The following IFT172 variants were observed in gnomAD, a reference collection of about 807,000 sequenced individuals.
IFT172 encodes intraflagellar transport protein 172 homolog.
Under a neutral mutation model 248.9 loss-of-function variants are expected in IFT172, and 164 were observed. The observed-to-expected ratio is 0.66, with a 90% CI of 0.58 to 0.75. IFT172 has a LOEUF of 0.75. IFT172 is among the 30% of genes least tolerant of loss of function. IFT172 has a pLI of 0.00. For missense variants in IFT172, 1,950 were observed against 2,192.4 expected (o/e 0.89, Z 2.21); for synonymous variants, 729 against 791.6 (o/e 0.92, Z 1.33).
intron 47 of IFT172, among the ~76,000 whole-genome samples, 153 bp from the exon 48 acceptor site, chr2:27,444,674 G>A (rs1293491354): frequency 6.6e-6 from 1 of 151,928 alleles, no homozygotes; most frequent in Non-Finnish European, 1.5e-5. Context: ...TTGAGACAAA[G>A]TCTTGCTTTG....
Position 27,447,647 on chromosome 2 carries a change from G to A in IFT172, c.4540-13C>T, listed in dbSNP as rs1665265846. 2 of 1,613,988 alleles carry A rather than the reference G, an allele frequency of 1.2e-6. No individual in the cohort carries two copies. The highest frequency in any genetic ancestry group is 1.7e-6 in the Non-Finnish European group (2 of 1,180,044). ...CCAGGTTTTCACACTAGAGGAGGGA[G>A]ACAGCACAGCCTGGCTCAGGGGTCA... On this transcript the variant is annotated splice_polypyrimidine_tract_variant and intron_variant, in intron 41 of 47. Coordinates refer to ENST00000260570, the MANE Select transcript of IFT172 (RefSeq NM_015662.3).
intron 1 of IFT172, among the ~76,000 whole-genome samples, chr2:27,488,977 G>A (rs983392893): frequency 3.3e-5 from 5 of 152,246 alleles, no homozygotes; most frequent in Admixed American, 1.3e-4. Flanking sequence ...GGGAGGCGGA[G>A]GTTGCAGTGA....
intron 29 of IFT172, 105 bp downstream of exon 29, chr2:27,457,534 C>T: frequency 1.0e-6 from 1 of 962,758 alleles, no homozygotes; most frequent in East Asian, 2.4e-5. Flanking sequence ...ATAATTGCAC[C>T]ACTGCACTCC....
Position 27,461,537 on chromosome 2 carries a change from A to G in IFT172, c.2194-20T>C, listed in dbSNP as rs767096645. On this transcript the variant is annotated intron_variant, in intron 21 of 47. Coordinates refer to ENST00000260570, the MANE Select transcript of IFT172 (RefSeq NM_015662.3). ...GTGCCCCTGGACATGCACAGAGGAC[A>G]ACTAGGAGTCACATCCCCCTTCCTA... 1 of 1,610,860 alleles carries G rather than the reference A, an allele frequency of 6.2e-7. No individual in the cohort carries two copies.
chr2:27,480,859 A>C (rs1396538370), intron 8 of IFT172, among the ~76,000 whole-genome samples, 187 bp downstream of exon 8: 1 of 152,172 alleles, frequency 6.6e-6, no homozygotes, highest in African/African-American at 2.4e-5. Flanking sequence ...ACAAAACAAG[A>C]GCCCAGGACA....
Position 27,483,478 on chromosome 2 carries a change from C to T in IFT172, c.482+102G>A, listed in dbSNP as rs1203363673. 7.0e-6 allele frequency: 10 copies of T among 1,429,552 alleles called. No individual in the cohort carries two copies. The East Asian group carries it at 2.0e-4, about 29-fold the overall frequency. The allele number at this position is 1,429,552 out of a possible 1,614,324, so 88.6% of individuals were successfully genotyped here. On this transcript the variant is annotated intron_variant, in intron 6 of 47. Coordinates refer to ENST00000260570, the MANE Select transcript of IFT172 (RefSeq NM_015662.3). ...ACAACCTTGTCTGTGCTTCCTGCTA[C>T]CAGTTCTCCTGCCTTTCATACTATG...
chr2:27,484,007 C>T, intron 4 of IFT172, 70 bp from the exon 5 acceptor site: 3 of 1,369,616 alleles, frequency 2.2e-6, no homozygotes, highest in Non-Finnish European at 3.1e-6. Flanking sequence ...ACAACTTCAA[C>T]ACCCCACCAC....
At chr2:27,473,545 C>T (rs982362779) in intron 14 of IFT172, among the ~76,000 whole-genome samples, 3 of 151,284 alleles carry the variant, frequency 2.0e-5, no homozygotes, top group East Asian at 2.0e-4. Flanking sequence ...CTCCTGACCT[C>T]GTGATCCGCC....
chr2:27,447,978 A>C lies in IFT172; in HGVS notation c.4429-56T>G, dbSNP rs1047622302. On this transcript the variant is annotated intron_variant, in intron 40 of 47. Transcript: ENST00000260570. Reference sequence around the variant, plus strand: ...AAGGGCATAGCTAGAAGAGAAAGTCACTGGAAGTGGGGCCAAAGGGAGGAG... The same window carrying C: ...AAGGGCATAGCTAGAAGAGAAAGTCCCTGGAAGTGGGGCCAAAGGGAGGAG... The C allele has an allele frequency of 2.6e-5, 29 of 1,113,896 alleles. No homozygotes were observed. In the East Asian group the frequency reaches 6.6e-4, roughly 25 times the overall value. 69.0% of individuals were successfully genotyped at this position (1,113,896 alleles called of 1,614,324 possible).
At chr2:27,484,007 C>A in intron 4 of IFT172, 70 bp from the exon 5 acceptor site, 2 of 1,369,616 alleles carry the variant, frequency 1.5e-6, no homozygotes, top group Non-Finnish European at 2.1e-6. Flanking sequence ...ACAACTTCAA[C>A]ACCCCACCAC....
chr2:27,453,970 C>G lies in IFT172; in HGVS notation c.3711+12G>C. The G allele has an allele frequency of 6.2e-7, 1 of 1,605,920 alleles. No individual in the cohort carries two copies. The highest frequency in any genetic ancestry group is 1.3e-5 in the African/African-American group (1 of 74,294). ...TCCCCCTCCCCTCATGGCCCTGCATCCAGTGCCCCACCTTATAATAATTGA... is the reference window on the plus strand; with the variant it reads ...TCCCCCTCCCCTCATGGCCCTGCATGCAGTGCCCCACCTTATAATAATTGA... On this transcript the variant is annotated intron_variant, in intron 33 of 47. Transcript: ENST00000260570.
chr2:27,459,966 A>G, intron 23 of IFT172, 137 bp from the exon 24 acceptor site: 1 of 1,115,034 alleles, frequency 9.0e-7, no homozygotes, highest in Non-Finnish European at 1.3e-6. Flanking sequence ...TCCTGAACAC[A>G]CGCACCAAGA....
At chr2:27,488,361 C>T (rs948506722) in intron 1 of IFT172, among the ~76,000 whole-genome samples, 8 of 147,490 alleles carry the variant, frequency 5.4e-5, no homozygotes, top group Non-Finnish European at 8.9e-5. Flanking sequence ...ACCATGTTGG[C>T]CAGGCTGGAC....
Position 27,449,355 on chromosome 2 carries a change from G to GC in IFT172, c.4249dup (p.Ala1417GlyfsTer16). On this transcript the variant is annotated frameshift_variant, in exon 39 of 48. Transcript: ENST00000260570. LOFTEE classifies it high-confidence loss of function. ...GCCCTGCTCCACATACAGGTCCAAA[G>GC]CAGCTATCACATCCACACCCACCAG... 6.2e-7 allele frequency: 1 copy of GC among 1,614,150 alleles called. No individual in the cohort carries two copies. Among genetic ancestry groups the GC allele is most frequent in the Non-Finnish European group, 8.5e-7 (1 of 1,180,034 alleles).
In IFT172 at chr2:27,472,357, G is replaced by A. The variant is rs772607856; in HGVS notation, c.1417C>T (p.Leu473=). ...IDIKTIAIVD[L]IGGYNIGTVS... is the part of the protein sequence containing the mutation. ...GTGCCAATGTTGTAGCCACCAATCAGATCCACTATAGAATAAAGGAGACAG... is the reference window on the plus strand; with the variant it reads ...GTGCCAATGTTGTAGCCACCAATCAAATCCACTATAGAATAAAGGAGACAG... Residue 473 remains leucine, a synonymous_variant, in exon 15 of 48, where the codon CTG becomes TTG. Coordinates refer to ENST00000260570, the MANE Select transcript of IFT172 (RefSeq NM_015662.3). 6.2e-7 allele frequency: 1 copy of A among 1,613,074 alleles called. No individual in the cohort carries two copies. The highest frequency in any genetic ancestry group is 8.5e-7 in the Non-Finnish European group (1 of 1,179,222).
At chr2:27,487,404 A>G (rs1161335725) in intron 1 of IFT172, among the ~76,000 whole-genome samples, 1 of 152,208 alleles carries the variant, frequency 6.6e-6, no homozygotes, top group East Asian at 1.9e-4. Flanking sequence ...GCCTTTAACA[A>G]GTACTTACCA....
At chr2:27,484,944 C>G (rs574602158) in intron 3 of IFT172, 74 bp downstream of exon 3, 1 of 870,558 alleles carries the variant, frequency 1.1e-6, no homozygotes. Context: ...CTGTATTTCC[C>G]CTCCCCAGTG....
intron 40 of IFT172, 144 bp downstream of exon 40, chr2:27,448,771 T>G: frequency 1.5e-6 from 1 of 668,030 alleles, no homozygotes; most frequent in African/African-American, 1.8e-5. Flanking sequence ...AGGCTGTACA[T>G]TTCTGGAGAT....
In IFT172 at chr2:27,454,155, G is replaced by A. The variant is rs746868013; in HGVS notation, c.3538C>T (p.His1180Tyr). Reference protein sequence around the residue: ...KPKEAVLMFVHNQDWEAAQRV... With the variant: ...KPKEAVLMFVYNQDWEAAQRV... ...TGAGCTGCCTCCCAATCCTGGTTAT[G>A]GACAAACCTGCCTCCAGGTGGGGAC... Residue 1180 changes from histidine to tyrosine, a missense_variant, in exon 33 of 48, where the codon CAT becomes TAT. Around this residue, in one of 3 missense-constraint regions of IFT172, gnomAD observed 164 missense variants for 239.3 expected, o/e 0.69. Coordinates refer to ENST00000260570, the MANE Select transcript of IFT172 (RefSeq NM_015662.3). This position sits in a 1 kb window ranked among gnomAD's most constrained non-coding sequence, Gnocchi z 4.2. The A allele has an allele frequency of 7.1e-5, 114 of 1,611,730 alleles. No individual in the cohort carries two copies. The highest frequency in any genetic ancestry group is 8.7e-5 in the Non-Finnish European group (102 of 1,178,798).
Sources: allele counts gnomAD v4.1 joint callset (sites outside exome capture counted in the v4.1 genomes callset), GRCh38; gene constraint gnomAD v4.1.1; regional missense constraint gnomAD v4.1.1; non-coding constraint Gnocchi (gnomAD v3.1); transcripts MANE v1.5; gene names NCBI Gene and HGNC (gene_info 2026-07-23, HGNC 2026-07-21).